The following HLA-DPA1 variants were observed in gnomAD, a reference collection of about 807,000 sequenced individuals.
The protein encoded by HLA-DPA1 is HLA class II histocompatibility antigen, DP alpha 1 chain.
In HLA-DPA1, 20 loss-of-function variants were observed where a neutral mutation model predicts 21.5. The observed-to-expected ratio is 0.93, with a 90% CI of 0.66 to 1.35. The LOEUF is 1.35. Ranked by LOEUF, HLA-DPA1 falls within the 40% of genes most tolerant of loss-of-function variation. The probability of loss-of-function intolerance (pLI) is 0.00; values close to 1 mark genes in which losing one functional copy is unlikely to be tolerated. For missense variants in HLA-DPA1, 279 were observed against 323.0 expected (o/e 0.86, Z 1.05); for synonymous variants, 123 against 129.6 (o/e 0.95, Z 0.35).
exon 6 of HLA-DPA1, chr6:33,065,340 T>G (rs1029554512): frequency 6.6e-6 from 1 of 152,232 alleles, no homozygotes; most frequent in South Asian, 2.1e-4. Flanking sequence ...GTTCAGATAT[T>G]TTGTCACCTG....
chr6:33,071,813 G>C (rs1405468878), intron 2 of HLA-DPA1, among the ~76,000 whole-genome samples: 1 of 81,398 alleles, frequency 1.2e-5, no homozygotes, highest in African/African-American at 9.2e-5. Context: ...ACTTCTCTCA[G>C]GGAAGACAGC....
At chr6:33,075,990 CCTT>C (rs1762514531) in intron 1 of HLA-DPA1, 1 of 1,373,446 alleles carries the variant, frequency 7.3e-7, no homozygotes, top group Admixed American at 1.9e-5. Flanking sequence ...TTTAGCGAGT[CCTT>C]CTTTTCCTGA....
At chr6:33,075,340 G>A (rs1762485668) in intron 1 of HLA-DPA1, among the ~76,000 whole-genome samples, 1 of 152,208 alleles carries the variant, frequency 6.6e-6, no homozygotes, top group Non-Finnish European at 1.5e-5. Context: ...TATTTACATG[G>A]TAGGGTAGGT....
chr6:33,065,262 G>A (rs1761903870), exon 6 of HLA-DPA1: 1 of 151,708 alleles, frequency 6.6e-6, no homozygotes. Flanking sequence ...TTCACATGAA[G>A]TGAGAAGAAA....
At chr6:33,066,414 A>T (rs1412510118) in intron 5 of HLA-DPA1, 1 of 152,254 alleles carries the variant, frequency 6.6e-6, no homozygotes, top group Non-Finnish European at 1.5e-5. Context: ...AAAATAAAAC[A>T]TGATCCCCAT....
At chr6:33,079,123 CTG>C (rs1762706645) in intron 1 of HLA-DPA1, among the ~76,000 whole-genome samples, 1 of 152,254 alleles carries the variant, frequency 6.6e-6, no homozygotes, top group South Asian at 2.1e-4. Flanking sequence ...CTGCCACCAG[CTG>C]TGCAACTTCT....
At chr6:33,076,075 A>T (rs1200566458) in intron 1 of HLA-DPA1, 1 of 1,612,578 alleles carries the variant, frequency 6.2e-7, no homozygotes, top group Non-Finnish European at 8.5e-7. Flanking sequence ...GGCCCCCCGG[A>T]CAGTGGCTCT....
At chr6:33,073,059 T>A (rs1360126001) in intron 2 of HLA-DPA1, among the ~76,000 whole-genome samples, 1 of 152,138 alleles carries the variant, frequency 6.6e-6, no homozygotes, top group African/African-American at 2.4e-5. Flanking sequence ...AGGGCCCTGA[T>A]AGTAGGTCAC....
chr6:33,072,150 T>C (rs72500560), intron 2 of HLA-DPA1, among the ~76,000 whole-genome samples: 43,783 of 151,860 alleles, frequency 0.29, 8,352 homozygotes, highest in East Asian at 0.69. Flanking sequence ...AAGTGGATTA[T>C]AGTGCAAATG....
chr6:33,080,632 G>T lies in HLA-DPA1; in HGVS notation c.-100+48C>A. On this transcript the variant is annotated intron_variant, in intron 1 of 5. Transcript: ENST00000419277. The surrounding 1 kb of genome is among the most constrained non-coding windows in gnomAD (Gnocchi z 4.3). Reference sequence around the variant, plus strand: ...GAGAGAGGGAGAAAGAGGATTAGATGAGAGTGGCGCCTCCGCTCATGTCCG... The same window carrying T: ...GAGAGAGGGAGAAAGAGGATTAGATTAGAGTGGCGCCTCCGCTCATGTCCG... 1 of 1,611,160 alleles carries T rather than the reference G, an allele frequency of 6.2e-7. No homozygotes were observed. The highest frequency in any genetic ancestry group is 8.5e-7 in the Non-Finnish European group (1 of 1,178,362).
intron 3 of HLA-DPA1, 118 bp from the exon 3 acceptor site, chr6:33,069,418 C>T: frequency 7.1e-6 from 8 of 1,119,990 alleles, no homozygotes; most frequent in Non-Finnish European, 1.0e-5. Flanking sequence ...CTCTGAATCA[C>T]AGAGAGGGGT....
intron 5 of HLA-DPA1, chr6:33,067,108 T>G (rs1229268953): frequency 6.6e-6 from 1 of 152,200 alleles, no homozygotes; most frequent in African/African-American, 2.4e-5. Flanking sequence ...GTATATGCAG[T>G]TCCATGTGAG....
In HLA-DPA1 at chr6:33,068,631, T is replaced by A; in HGVS notation, c.*12+7A>T. ...CAAATCCTAGGGCCTCCTCTTTACA[T>A]TCCCACCTTTACAGTATTTCACAGG... On this transcript the variant is annotated splice_region_variant and intron_variant, in intron 5 of 5. Coordinates refer to ENST00000419277, the Ensembl canonical transcript of HLA-DPA1. 1 of 1,599,530 alleles carries A rather than the reference T, an allele frequency of 6.3e-7. No individual in the cohort carries two copies. The highest frequency in any genetic ancestry group is 8.5e-7 in the Non-Finnish European group (1 of 1,172,674).
Position 33,076,178 on chromosome 6 carries a change from C to A in HLA-DPA1, c.-99-2509G>T, listed in dbSNP as rs775881034. 23 of 1,402,036 alleles carry A rather than the reference C, an allele frequency of 1.6e-5. No homozygotes were observed. The South Asian group carries it at 2.8e-4, about 17-fold the overall frequency. 86.8% of individuals were successfully genotyped at this position (1,402,036 alleles called of 1,614,324 possible). A position where few individuals can be genotyped will look rare whatever the true frequency, so the allele number is the denominator to read the frequency against. ...ACTGCCATTCTTGGAGGGTCTGGCT[C>A]AGGGAACAATTCCTAGGGGACGTTA... On this transcript the variant is annotated intron_variant, in intron 1 of 5. Transcript: ENST00000419277.
chr6:33,066,459 A>G, intron 5 of HLA-DPA1: 1 of 152,250 alleles, frequency 6.6e-6, no homozygotes, highest in Middle Eastern at 3.2e-3. Flanking sequence ...GAATTAAAGT[A>G]GTAAATGTGA....
At chr6:33,077,996 G>T (rs115735976) in intron 1 of HLA-DPA1, among the ~76,000 whole-genome samples, 3,284 of 152,252 alleles carry the variant, frequency 0.022, 48 homozygotes, top group Middle Eastern at 0.078. Flanking sequence ...TGAGGCTGGG[G>T]AGAGAGGAGG....
chr6:33,072,145 GATTATAGTGCAAATGTT>G (rs1762311432), intron 2 of HLA-DPA1, among the ~76,000 whole-genome samples: 1 of 152,174 alleles, frequency 6.6e-6, no homozygotes, highest in Non-Finnish European at 1.5e-5. Context: ...GAAAGAAGTG[GATTATAGTGCAAATGTT>G]ATTAGTAACT....
In HLA-DPA1 at chr6:33,080,534, G is replaced by C; in HGVS notation, c.-100+146C>G. On this transcript the variant is annotated intron_variant, in intron 1 of 5. Transcript: ENST00000419277. The surrounding 1 kb of genome is among the most constrained non-coding windows in gnomAD (Gnocchi z 4.3). The stretch of plus-strand genomic sequence containing the variant: ...CGACCCGCTTAGGACCACAGAACTC[G>C]GTACTAGGAAAACTCCTATTTTAAA... The C allele has an allele frequency of 7.9e-7, 1 of 1,265,622 alleles. No homozygotes were observed. The highest frequency in any genetic ancestry group is 1.1e-6 in the Non-Finnish European group (1 of 885,320). The allele number at this position is 1,265,622 out of a possible 1,614,324, so 78.4% of individuals were successfully genotyped here.
chr6:33,079,916 A>T (rs1437644426), intron 1 of HLA-DPA1: 1 of 264,496 alleles, frequency 3.8e-6, no homozygotes, highest in East Asian at 1.2e-4. Context: ...GCCAAAAAAA[A>T]TTACATCAAT....
Sources: allele counts gnomAD v4.1 joint callset (sites outside exome capture counted in the v4.1 genomes callset), GRCh38; gene constraint gnomAD v4.1.1; non-coding constraint Gnocchi (gnomAD v3.1); transcripts MANE v1.5; gene names NCBI Gene and HGNC (gene_info 2026-07-23, HGNC 2026-07-21).